PCDHGA11: variants seen among roughly 807,000 people sequenced by gnomAD.
The protein encoded by PCDHGA11 is protocadherin gamma-A11.
Under a neutral mutation model 60.4 loss-of-function variants are expected in PCDHGA11, and 39 were observed. The ratio of observed to expected loss-of-function variants is 0.65; its 90% CI spans 0.50 to 0.84. The LOEUF (loss-of-function observed/expected upper bound fraction) is 0.84. Ranked by LOEUF, PCDHGA11 falls within the 40% of genes least tolerant of loss-of-function variation. The pLI is 0.00. For missense variants in PCDHGA11, 1,165 were observed against 1,197.7 expected (o/e 0.97, Z 0.40); for synonymous variants, 533 against 510.3 (o/e 1.04, Z -0.60).
At position 141,476,209 on chromosome 5, in the gene PCDHGA11, G is replaced by A. The variant is rs749576231; in HGVS notation, c.2434-18598G>A. ...TTGGTGCCTTGAACAAGGCTTCCAC[G>A]GTCATTCACTATGAGATCCCGGAGG... On this transcript the variant is annotated intron_variant, in intron 1 of 3. Coordinates refer to ENST00000398587, the MANE Select transcript of PCDHGA11 (RefSeq NM_018914.3). The surrounding 1 kb of genome is among the most constrained non-coding windows in gnomAD (Gnocchi z 7.6). The A allele has an allele frequency of 3.1e-6, 5 of 1,613,974 alleles. No individual in the cohort carries two copies. Among genetic ancestry groups the A allele is most frequent in the Admixed American group, 1.7e-5 (1 of 60,014 alleles).
At chr5:141,494,724 T>C in intron 1 of PCDHGA11, 83 bp from the exon 2 acceptor site, 1 of 1,606,108 alleles carries the variant, frequency 6.2e-7, no homozygotes, top group South Asian at 1.1e-5. Flanking sequence ...CCCCTCCTTC[T>C]CTCCCGGCCC....
chr5:141,476,206 C>A lies in PCDHGA11; in HGVS notation c.2434-18601C>A. On this transcript the variant is annotated intron_variant, in intron 1 of 3. Transcript: ENST00000398587. This position sits in a 1 kb window ranked among gnomAD's most constrained non-coding sequence, Gnocchi z 7.6. ...TGCTTGGTGCCTTGAACAAGGCTTC[C>A]ACGGTCATTCACTATGAGATCCCGG... 1 of 1,613,930 alleles carries A rather than the reference C, an allele frequency of 6.2e-7. No individual in the cohort carries two copies. The highest frequency in any genetic ancestry group is 1.7e-5 in the Admixed American group (1 of 60,004).
Position 141,432,097 on chromosome 5 carries a change from C to G in PCDHGA11, c.2433+8437C>G. ...TCTCGCTGAACGTGGCAGACACCAA[C>G]GACAACCCGCCGGTCTTCCCTCAGG... On this transcript the variant is annotated intron_variant, in intron 1 of 3. Transcript: ENST00000398587. This position sits in a 1 kb window ranked among gnomAD's most constrained non-coding sequence, Gnocchi z 6.0. The G allele has an allele frequency of 6.2e-7, 1 of 1,614,184 alleles. No homozygotes were observed.
In PCDHGA11 at chr5:141,477,147, A is replaced by G. The variant is rs1195888163; in HGVS notation, c.2434-17660A>G. On this transcript the variant is annotated intron_variant, in intron 1 of 3. Coordinates refer to ENST00000398587, the MANE Select transcript of PCDHGA11 (RefSeq NM_018914.3). The surrounding 1 kb of genome is among the most constrained non-coding windows in gnomAD (Gnocchi z 4.9). The stretch of plus-strand genomic sequence containing the variant: ...TGCAAAGTGTTGGTGGAGGTTGTGG[A>G]TGTGAATGACAACGCCCCGGAGATC... 2 of 1,614,168 alleles carry G rather than the reference A, an allele frequency of 1.2e-6. No individual in the cohort carries two copies. The highest frequency in any genetic ancestry group is 1.1e-5 in the South Asian group (1 of 91,080).
intron 1 of PCDHGA11, chr5:141,478,809 C>G: frequency 6.9e-7 from 1 of 1,453,454 alleles, no homozygotes; most frequent in Non-Finnish European, 9.0e-7. Flanking sequence ...CTTTTGCTAT[C>G]ACAACTAACC....
chr5:141,504,351 G>A (rs77439649), intron 2 of PCDHGA11, among the ~76,000 whole-genome samples: 2 of 152,010 alleles, frequency 1.3e-5, no homozygotes, highest in African/African-American at 4.8e-5. Context: ...CTTTGTGCTA[G>A]GTGCTTCAGT....
intron 1 of PCDHGA11, among the ~76,000 whole-genome samples, chr5:141,471,039 A>G (rs1175460270): frequency 7.2e-6 from 1 of 137,964 alleles, no homozygotes; most frequent in Non-Finnish European, 1.5e-5. Context: ...TAACAAGCCC[A>G]AGCCCTCTTT....
Position 141,486,407 on chromosome 5 carries a change from C to T in PCDHGA11, c.2434-8400C>T. The T allele has an allele frequency of 6.2e-7, 1 of 1,614,134 alleles. No individual in the cohort carries two copies. Among genetic ancestry groups the T allele is most frequent in the African/African-American group, 1.3e-5 (1 of 75,046 alleles). ...CCAGTTCTCCCTGGTGACTGCTGGA[C>T]CCTTGGATCGAGAGGCCAAATCTAG... On this transcript the variant is annotated intron_variant, in intron 1 of 3. Coordinates refer to ENST00000398587, the MANE Select transcript of PCDHGA11 (RefSeq NM_018914.3). This position sits in a 1 kb window ranked among gnomAD's most constrained non-coding sequence, Gnocchi z 5.0.
chr5:141,459,843 T>C (rs1328781794), intron 1 of PCDHGA11, among the ~76,000 whole-genome samples: 1 of 152,228 alleles, frequency 6.6e-6, no homozygotes, highest in African/African-American at 2.4e-5. Context: ...TGTCTATTTG[T>C]ATATCTTCTT....
intron 1 of PCDHGA11, chr5:141,426,560 G>A (rs1358683534): frequency 5.7e-6 from 2 of 352,756 alleles, no homozygotes; most frequent in South Asian, 2.1e-5. Flanking sequence ...AGAATAGATC[G>A]AGAGTCACTG....
At position 141,489,985 on chromosome 5, in the gene PCDHGA11, G is replaced by C. The variant is rs761481986; in HGVS notation, c.2434-4822G>C. ...AACCTTCCAATCCTCAGTTCTACGT[G>C]TGGGAATCCCAGAGAATGCACCCAT... On this transcript the variant is annotated intron_variant, in intron 1 of 3. Coordinates refer to ENST00000398587, the MANE Select transcript of PCDHGA11 (RefSeq NM_018914.3). This position sits in a 1 kb window ranked among gnomAD's most constrained non-coding sequence, Gnocchi z 4.5. 3 of 1,614,212 alleles carry C rather than the reference G, an allele frequency of 1.9e-6. No individual in the cohort carries two copies. The East Asian group carries it at 6.7e-5, about 36-fold the overall frequency.
chr5:141,510,510 G>A (rs1042950478), intron 3 of PCDHGA11, among the ~76,000 whole-genome samples: 5 of 152,132 alleles, frequency 3.3e-5, no homozygotes, highest in Non-Finnish European at 5.9e-5. Context: ...CTGAGAGCCC[G>A]TGTCACAGCC....
intron 1 of PCDHGA11, among the ~76,000 whole-genome samples, chr5:141,446,746 C>T (rs1413869259): frequency 6.6e-6 from 1 of 152,170 alleles, no homozygotes; most frequent in Non-Finnish European, 1.5e-5. Context: ...GGATTACAGG[C>T]GTGAGCCACC....
In PCDHGA11 at chr5:141,423,067, G is replaced by A. The variant is rs757110751; in HGVS notation, c.1840G>A (p.Glu614Lys). 10 of 1,614,024 alleles carry A rather than the reference G, an allele frequency of 6.2e-6. No individual in the cohort carries two copies. Among genetic ancestry groups the A allele is most frequent in the South Asian group, 5.5e-5 (5 of 91,092 alleles). Residue 614 changes from glutamate to lysine, a missense_variant, in exon 1 of 4, where the codon GAG (glutamate) becomes AAG (lysine). Glu to Lys is a moderately conservative substitution (Grantham distance 56, BLOSUM62 1). Transcript: ENST00000398587. ...GTCCTATCGCCTGCTTAAGGCCAGC[G>A]AGCCGGGACTCTTCGCGGTGGGGGA... ...WLSYRLLKAS[E>K]PGLFAVGEHT...
chr5:141,493,204 C>T lies in PCDHGA11; in HGVS notation c.2434-1603C>T, dbSNP rs2099746929. Among the ~76,000 whole-genome samples, 1 of 152,216 alleles carries T rather than the reference C, an allele frequency of 6.6e-6. No individual in the cohort carries two copies. Among genetic ancestry groups the T allele is most frequent in the Non-Finnish European group, 1.5e-5 (1 of 68,042 alleles). Reference sequence around the variant, plus strand: ...TATATAACTCCTTTGAGAACCTCATCTCATTTGCTCTTCCCACCATTGCTG... The same window carrying T: ...TATATAACTCCTTTGAGAACCTCATTTCATTTGCTCTTCCCACCATTGCTG... On this transcript the variant is annotated intron_variant, in intron 1 of 3. Transcript: ENST00000398587. This position sits in a 1 kb window ranked among gnomAD's most constrained non-coding sequence, Gnocchi z 4.3.
chr5:141,466,496 GCA>G (rs2099123596), intron 1 of PCDHGA11, among the ~76,000 whole-genome samples: 1 of 152,120 alleles, frequency 6.6e-6, no homozygotes. Context: ...TTTAATTAGA[GCA>G]CAGACAAGAT....
In PCDHGA11 at chr5:141,493,145, AG is replaced by A. The variant is rs11350413; in HGVS notation, c.2434-1660del. Among the ~76,000 whole-genome samples the A allele has an allele frequency of 0.17, 26,475 of 152,128 alleles. 2,528 individuals carry two copies. The highest frequency in any genetic ancestry group is 0.28 in the Admixed American group (4,206 of 15,272). ...TAGGACTGTATTTTGAAACACCCCC[AG>A]GTGATTTTGATAGCTGATTGAGAGA... is the stretch of plus-strand genomic sequence containing the variant. On this transcript the variant is annotated intron_variant, in intron 1 of 3. Transcript: ENST00000398587. The surrounding 1 kb of genome is among the most constrained non-coding windows in gnomAD (Gnocchi z 4.3).
chr5:141,480,217 G>A (rs1443825272), intron 1 of PCDHGA11, among the ~76,000 whole-genome samples: 2 of 147,950 alleles, frequency 1.4e-5, no homozygotes, highest in Non-Finnish European at 3.0e-5. Context: ...CAGCCTGAGC[G>A]ACATAGTGAG....
In PCDHGA11 at chr5:141,512,848, G is replaced by C. The variant is rs1362051688; in HGVS notation, c.*1675G>C. The C allele has an allele frequency of 6.6e-6, 1 of 152,216 alleles. No individual in the cohort carries two copies. 9.4% of individuals were successfully genotyped at this position (152,216 alleles called of 1,614,324 possible). ...CCCCGTACTGACTTCTCCTATAAGC[G>C]CTTCTCTTCGCATAGTCACGTAGCT... On this transcript the variant is annotated 3_prime_UTR_variant, in exon 4 of 4. Transcript: ENST00000398587.
Sources: allele counts gnomAD v4.1 joint callset (sites outside exome capture counted in the v4.1 genomes callset), GRCh38; gene constraint gnomAD v4.1.1; non-coding constraint Gnocchi (gnomAD v3.1); transcripts MANE v1.5; gene names NCBI Gene and HGNC (gene_info 2026-07-23, HGNC 2026-07-21).